TTC29: variants seen among roughly 807,000 people sequenced by gnomAD.
TTC29 encodes tetratricopeptide repeat domain 29, also known as tetratricopeptide repeat protein 29.
A neutral mutation model predicts 58.1 loss-of-function variants in TTC29; 49 were observed. The observed-to-expected ratio is 0.84, with a 90% CI of 0.67 to 1.07. The LOEUF (loss-of-function observed/expected upper bound fraction) is 1.07, where lower values mean the gene tolerates loss of function less well. Among genes scored for constraint, TTC29 ranks in the 50% least tolerant of loss-of-function variants. The pLI is 0.00. For synonymous variants in TTC29, 209 were observed against 196.8 expected (o/e 1.06, Z -0.52); for missense variants, 582 against 555.6 (o/e 1.05, Z -0.48).
At chr4:146,932,232 A>C (rs1009008859) in intron 4 of TTC29, among the ~76,000 whole-genome samples, 2 of 152,088 alleles carry the variant, frequency 1.3e-5, no homozygotes, top group Admixed American at 6.5e-5. Flanking sequence ...AGAGCACCAA[A>C]ATCTTCTTTT....
chr4:146,726,708 A>T (rs566887181), intron 11 of TTC29, among the ~76,000 whole-genome samples: 3 of 152,310 alleles, frequency 2.0e-5, no homozygotes, highest in Non-Finnish European at 4.4e-5. Flanking sequence ...TTTCTAAATT[A>T]TAAAATATAA....
At position 146,909,125 on chromosome 4, in the gene TTC29, T is replaced by C; in HGVS notation, c.301A>G (p.Arg101Gly). The C allele has an allele frequency of 1.2e-6, 2 of 1,613,878 alleles. No individual in the cohort carries two copies. The highest frequency in any genetic ancestry group is 1.6e-4 in the Middle Eastern group (1 of 6,062). Residue 101 changes from arginine (R) to glycine (G), a missense_variant, in exon 5 of 13, where the codon AGG becomes GGG. Physicochemically the swap from Arg to Gly is moderately radical, Grantham distance 125. Coordinates refer to ENST00000325106, the MANE Select transcript of TTC29 (RefSeq NM_031956.4). Reference sequence around the variant, plus strand: ...GGCTTCTGCAGCCAGAAGAGGGACCTGACTCTCGCAGCCTCCCTCAGGGCA... The same window carrying C: ...GGCTTCTGCAGCCAGAAGAGGGACCCGACTCTCGCAGCCTCCCTCAGGGCA... ...WDALREAARV[R>G]SLFWLQKPLE...
intron 8 of TTC29, among the ~76,000 whole-genome samples, chr4:146,845,898 T>G (rs1729137812): frequency 6.6e-6 from 1 of 150,806 alleles, no homozygotes; most frequent in African/African-American, 2.4e-5. Context: ...CTACTTATTA[T>G]TTTCTCCTTC....
At chr4:146,872,352 T>C (rs928783004) in intron 7 of TTC29, among the ~76,000 whole-genome samples, 1 of 152,088 alleles carries the variant, frequency 6.6e-6, no homozygotes, top group African/African-American at 2.4e-5. Context: ...TTATTGATGA[T>C]ATCAGAAGCA....
At chr4:146,766,744 T>G (rs930520314) in intron 11 of TTC29, among the ~76,000 whole-genome samples, 3 of 152,142 alleles carry the variant, frequency 2.0e-5, no homozygotes, top group South Asian at 2.1e-4. Context: ...TTCAGTAAAT[T>G]GTTAAATAAT....
chr4:146,898,994 T>C (rs747172403), intron 6 of TTC29, among the ~76,000 whole-genome samples: 1 of 152,338 alleles, frequency 6.6e-6, no homozygotes, highest in South Asian at 2.1e-4. Context: ...TAGCTCATCA[T>C]GGGGAAGCGG....
intron 11 of TTC29, among the ~76,000 whole-genome samples, chr4:146,749,183 T>C (rs956932945): frequency 1.4e-5 from 2 of 143,500 alleles, no homozygotes; most frequent in African/African-American, 2.6e-5. Flanking sequence ...CCAGGTCTGG[T>C]GGTGCATGTT....
intron 7 of TTC29, among the ~76,000 whole-genome samples, chr4:146,870,664 T>C (rs747892087): frequency 9.9e-5 from 15 of 151,930 alleles, no homozygotes; most frequent in Non-Finnish European, 1.8e-4. Context: ...GGTAAATAAC[T>C]GTAGGCCTCA....
At chr4:146,826,270 G>A (rs1727791097) in intron 9 of TTC29, among the ~76,000 whole-genome samples, 2 of 152,022 alleles carry the variant, frequency 1.3e-5, no homozygotes, top group South Asian at 2.1e-4. Context: ...TCCATATTTA[G>A]TGCTTCTTTC....
chr4:146,913,551 G>A (rs1248690302), intron 4 of TTC29, among the ~76,000 whole-genome samples: 1 of 151,958 alleles, frequency 6.6e-6, no homozygotes, highest in Non-Finnish European at 1.5e-5. Context: ...TAGGCCAACT[G>A]GTCTCTCTCC....
chr4:146,737,179 A>G (rs1295250698), intron 11 of TTC29, among the ~76,000 whole-genome samples: 1 of 152,184 alleles, frequency 6.6e-6, no homozygotes, highest in East Asian at 1.9e-4. Context: ...TGGCCTGGCC[A>G]TTAGCTCAGG....
chr4:146,916,577 T>C (rs375948000), intron 4 of TTC29, among the ~76,000 whole-genome samples: 2 of 151,652 alleles, frequency 1.3e-5, no homozygotes, highest in African/African-American at 4.8e-5. Context: ...TTATTTTCCA[T>C]GCACTTCAAA....
chr4:146,833,961 A>G (rs778382871), intron 8 of TTC29, 64 bp from the exon 9 acceptor site: 7 of 1,127,854 alleles, frequency 6.2e-6, no homozygotes, highest in Non-Finnish European at 7.6e-6. Context: ...GTTTCATTTC[A>G]TAACAGAAAA....
At chr4:146,813,753 G>A (rs1262862420) in intron 10 of TTC29, among the ~76,000 whole-genome samples, 1 of 152,208 alleles carries the variant, frequency 6.6e-6, no homozygotes, top group African/African-American at 2.4e-5. Flanking sequence ...GGAGGCCGAG[G>A]AGGGAGGATC....
chr4:146,940,188 C>T (rs1736244927), intron 2 of TTC29, among the ~76,000 whole-genome samples: 1 of 152,106 alleles, frequency 6.6e-6, no homozygotes, highest in Non-Finnish European at 1.5e-5. Context: ...GTTCAGTTGG[C>T]ATCTTTGGTA....
intron 11 of TTC29, among the ~76,000 whole-genome samples, chr4:146,741,260 T>C (rs1375241021): frequency 6.6e-6 from 1 of 152,186 alleles, no homozygotes; most frequent in Non-Finnish European, 1.5e-5. Flanking sequence ...GAATAAAAAC[T>C]GAAGAACTTT....
intron 5 of TTC29, among the ~76,000 whole-genome samples, chr4:146,908,053 T>C (rs1262360064): frequency 6.6e-6 from 1 of 152,164 alleles, no homozygotes; most frequent in Non-Finnish European, 1.5e-5. Context: ...ATGGGAAATA[T>C]GTATTGGCTC....
At chr4:146,858,232 A>G (rs973770728) in intron 8 of TTC29, among the ~76,000 whole-genome samples, 4 of 152,242 alleles carry the variant, frequency 2.6e-5, no homozygotes, top group Admixed American at 2.6e-4. Context: ...CAAGAAGTTA[A>G]GTGACTAACC....
At chr4:146,825,739 G>A (rs1307958234) in intron 9 of TTC29, among the ~76,000 whole-genome samples, 2 of 152,166 alleles carry the variant, frequency 1.3e-5, no homozygotes, top group Non-Finnish European at 2.9e-5. Context: ...GGGAGACTAA[G>A]TCTCTTTCTA....
Sources: gnomAD v4.1 joint callset for allele counts (sites outside exome capture counted in the v4.1 genomes callset) on GRCh38, gnomAD v4.1.1 for gene constraint, MANE v1.5 for transcripts, NCBI Gene and HGNC (gene_info 2026-07-23, HGNC 2026-07-21) for gene names.